Variants in ERICH1 observed in about 807,000 individuals in gnomAD.
ERICH1 encodes glutamate-rich protein 1.
Under a neutral mutation model 39.6 loss-of-function variants are expected in ERICH1, and 56 were observed. That is an observed-to-expected ratio of 1.41 (90% CI 1.14 to 1.77). The LOEUF (loss-of-function observed/expected upper bound fraction) is 1.77, where lower values mean the gene tolerates loss of function less well. ERICH1 is among the 40% of genes most tolerant of loss of function. The pLI is 0.00. For synonymous variants in ERICH1, 313 were observed against 223.6 expected (o/e 1.40, Z -3.57); for missense variants, 826 against 575.4 (o/e 1.44, Z -4.45).
In ERICH1 at chr8:711,291, C is replaced by T. The variant is rs75718174; in HGVS notation, c.169+4570G>A. On this transcript the variant is annotated intron_variant, in intron 2 of 5. Coordinates refer to ENST00000262109, the MANE Select transcript of ERICH1 (RefSeq NM_207332.3). ...AGTCTGTGGCCTGTCTCTTCATTCT[C>T]TTGACAATGTCATTCGCAGAGCACA... 8.4e-3 allele frequency among the ~76,000 whole-genome samples: 1,274 copies of T among 152,294 alleles called. 20 individuals are homozygous for T. The highest frequency in any genetic ancestry group is 0.029 in the African/African-American group (1,222 of 41,532).
chr8:680,630 G>C (rs1050482828), intron 3 of ERICH1, among the ~76,000 whole-genome samples: 4 of 145,954 alleles, frequency 2.7e-5, no homozygotes, highest in African/African-American at 5.1e-5. Flanking sequence ...AACACAGAAA[G>C]TCCAAGAGAA....
intron 3 of ERICH1, among the ~76,000 whole-genome samples, chr8:637,340 C>T (rs1798518805): frequency 6.6e-6 from 1 of 152,236 alleles, no homozygotes; most frequent in Non-Finnish European, 1.5e-5. Context: ...CACAGCTGTG[C>T]CTGATTCTGC....
downstream of ERICH1, among the ~76,000 whole-genome samples, chr8:663,447 G>A (rs980746185): frequency 4.6e-5 from 7 of 152,130 alleles, no homozygotes; most frequent in Non-Finnish European, 7.4e-5. Context: ...GTCACCAGGC[G>A]ACCGTGCAGT....
In ERICH1 at chr8:664,264, G is replaced by A. The variant is rs886541731; in HGVS notation, c.*339C>T. On this transcript the variant is annotated 3_prime_UTR_variant, in exon 6 of 6. Transcript: ENST00000262109. Reference sequence around the variant, plus strand: ...TAAAGCAGAGACTTTCAGATACAAGGTGATTCAAAACTTCATAAAAATATA... The same window carrying A: ...TAAAGCAGAGACTTTCAGATACAAGATGATTCAAAACTTCATAAAAATATA... 1.1e-5 allele frequency: 11 copies of A among 1,007,366 alleles called. No homozygotes were observed. In the African/African-American group the frequency reaches 1.9e-4, roughly 17 times the overall value. The allele number at this position is 1,007,366 out of a possible 1,614,324, so 62.4% of individuals were successfully genotyped here.
At chr8:727,804 C>T (rs887744809) in intron 1 of ERICH1, among the ~76,000 whole-genome samples, 1 of 152,164 alleles carries the variant, frequency 6.6e-6, no homozygotes, top group Non-Finnish European at 1.5e-5. Flanking sequence ...CGGCTGGCAC[C>T]ACTGGACCAC....
intron 4 of ERICH1, among the ~76,000 whole-genome samples, chr8:671,196 G>C (rs1669610): frequency 7.4e-6 from 1 of 135,714 alleles, no homozygotes; most frequent in East Asian, 2.3e-4. Flanking sequence ...TGAACCTGCC[G>C]GCCCTGGCTG....
At chr8:656,264 T>A (rs1800648132) in intron 3 of ERICH1, among the ~76,000 whole-genome samples, 1 of 152,108 alleles carries the variant, frequency 6.6e-6, no homozygotes, top group Admixed American at 6.5e-5. Context: ...AGCAGCTGGA[T>A]CCCCCCTGCA....
intron 5 of ERICH1, chr8:668,270 T>C (rs1428208419): frequency 5.7e-6 from 2 of 351,212 alleles, no homozygotes; most frequent in African/African-American, 4.2e-5. Context: ...AAATTTACCA[T>C]CTACCACAGC....
intron 1 of ERICH1, among the ~76,000 whole-genome samples, chr8:717,597 A>G (rs1281072134): frequency 6.6e-6 from 1 of 152,352 alleles, no homozygotes; most frequent in East Asian, 1.9e-4. Context: ...GTAGGCAGAT[A>G]AGATGCACTT....
chr8:691,433 C>T (rs1808888016), intron 3 of ERICH1, among the ~76,000 whole-genome samples: 1 of 152,260 alleles, frequency 6.6e-6, no homozygotes, highest in South Asian at 2.1e-4. Context: ...GTCCTGGGAA[C>T]ATGAGCAGCA....
chr8:687,988 G>A (rs906671123), intron 3 of ERICH1, among the ~76,000 whole-genome samples: 1 of 152,122 alleles, frequency 6.6e-6, no homozygotes. Context: ...ACCTGCCCGG[G>A]TCCCGAGCCC....
At chr8:695,906 ACTCGCTCCTCTCACCCTCCACT>A (rs1810136211) in intron 2 of ERICH1, among the ~76,000 whole-genome samples, 1 of 29,446 alleles carries the variant, frequency 3.4e-5, no homozygotes, top group Non-Finnish European at 5.5e-5. Flanking sequence ...ATCAGCCTGC[ACTCGCTCCTCTCACCCTCCACT>A]CCTCTCCTTC....
At chr8:697,831 G>C (rs888599584) in intron 2 of ERICH1, among the ~76,000 whole-genome samples, 1 of 152,240 alleles carries the variant, frequency 6.6e-6, no homozygotes, top group Non-Finnish European at 1.5e-5. Flanking sequence ...ACACAGCAGA[G>C]TGCGTGATAG....
At chr8:716,716 C>T (rs1044939093) in intron 1 of ERICH1, among the ~76,000 whole-genome samples, 3 of 152,174 alleles carry the variant, frequency 2.0e-5, no homozygotes, top group Admixed American at 6.5e-5. Flanking sequence ...AACCAAAAGT[C>T]GCACAGTGGA....
intron 2 of ERICH1, among the ~76,000 whole-genome samples, chr8:705,751 T>C (rs1370459986): frequency 6.6e-6 from 1 of 152,132 alleles, no homozygotes; most frequent in East Asian, 1.9e-4. Flanking sequence ...ACAACTATCT[T>C]TACTCACAAA....
intron 2 of ERICH1, among the ~76,000 whole-genome samples, chr8:699,025 G>A (rs555286492): frequency 2.6e-5 from 4 of 151,948 alleles, no homozygotes; most frequent in South Asian, 2.1e-4. Context: ...AGGCTCAGTG[G>A]AGCCCAGGAG....
chr8:725,113 T>C (rs1818281269), intron 1 of ERICH1: 2 of 173,378 alleles, frequency 1.2e-5, no homozygotes, highest in Non-Finnish European at 2.5e-5. Context: ...TGGCTTCTTG[T>C]CTGCTGTCCC....
chr8:716,598 T>C (rs138647968), intron 1 of ERICH1, among the ~76,000 whole-genome samples: 2 of 152,274 alleles, frequency 1.3e-5, no homozygotes, highest in Non-Finnish European at 2.9e-5. Context: ...TTCTTTACTT[T>C]GCTTGTTTTA....
chr8:662,157 G>T (rs1801513233), downstream of ERICH1, among the ~76,000 whole-genome samples: 1 of 150,960 alleles, frequency 6.6e-6, no homozygotes, highest in African/African-American at 2.4e-5. Context: ...TCCCCTGCAA[G>T]GGCAGGGATT....
Sources: gnomAD v4.1 joint callset for allele counts (sites outside exome capture counted in the v4.1 genomes callset) on GRCh38, gnomAD v4.1.1 for gene constraint, MANE v1.5 for transcripts, NCBI Gene and HGNC (gene_info 2026-07-23, HGNC 2026-07-21) for gene names.